Variants in GAN observed in about 807,000 individuals in gnomAD.
GAN encodes the protein gigaxonin.
In GAN, 48 loss-of-function variants were observed where a neutral mutation model predicts 71.3. The ratio of observed to expected loss-of-function variants is 0.67; its 90% CI spans 0.53 to 0.86. The LOEUF (loss-of-function observed/expected upper bound fraction) is 0.86, where lower values mean the gene tolerates loss of function less well. GAN is among the 40% of genes least tolerant of loss of function. The probability of loss-of-function intolerance (pLI) is 0.00; values close to 1 mark genes in which losing one functional copy is unlikely to be tolerated. For missense variants in GAN, 928 were observed against 770.1 expected (o/e 1.21, Z -2.43); for synonymous variants, 386 against 276.8 (o/e 1.39, Z -3.92).
At chr16:81,341,191 G>A (rs889106123) in intron 1 of GAN, among the ~76,000 whole-genome samples, 2 of 152,156 alleles carry the variant, frequency 1.3e-5, no homozygotes, top group African/African-American at 4.8e-5. Flanking sequence ...AAGTGATGGG[G>A]AGAATGGAAC....
intron 7 of GAN, 108 bp downstream of exon 7, chr16:81,364,051 A>G: frequency 1.1e-6 from 1 of 912,030 alleles, no homozygotes; most frequent in Non-Finnish European, 1.8e-6. Context: ...GTGTTAAAAG[A>G]ATTAACTTTA....
chr16:81,317,907 A>G (rs1031821731), intron 1 of GAN, among the ~76,000 whole-genome samples: 3 of 152,150 alleles, frequency 2.0e-5, no homozygotes, highest in Admixed American at 1.3e-4. Context: ...GAATCAGTCA[A>G]TATGTGTTTC....
rs1417637299 is a variant in GAN at position 81,332,695 on chromosome 16, C to T, written c.167+17415C>T. Among the ~76,000 whole-genome samples, 7 of 152,194 alleles carry T rather than the reference C, an allele frequency of 4.6e-5. No homozygotes were observed. The East Asian group carries it at 1.3e-3, about 29-fold the overall frequency. The stretch of plus-strand genomic sequence containing the variant: ...CCTTAGTCTCCAGTGTGTGGTGGTT[C>T]CTCAGTCTTTCCTTGTCTTTCATGA... On this transcript the variant is annotated intron_variant, in intron 1 of 10. Coordinates refer to ENST00000648994, the MANE Select transcript of GAN (RefSeq NM_022041.4).
At chr16:81,365,175 C>A in intron 8 of GAN, 65 bp downstream of exon 8, 1 of 1,583,360 alleles carries the variant, frequency 6.3e-7, no homozygotes. Context: ...AGCCCCTTAC[C>A]CTGCCTGGCT....
intron 1 of GAN, among the ~76,000 whole-genome samples, chr16:81,333,666 T>C (rs1035572): frequency 0.35 from 52,776 of 152,074 alleles, 10,382 homozygotes; most frequent in East Asian, 0.78. Flanking sequence ...AAGTAAAAGT[T>C]TGTCAGTTCC....
chr16:81,332,293 A>G (rs927533147), intron 1 of GAN, among the ~76,000 whole-genome samples: 2 of 152,234 alleles, frequency 1.3e-5, no homozygotes, highest in Admixed American at 1.3e-4. Flanking sequence ...CTACCAGGTC[A>G]GACTGGCTGT....
At chr16:81,376,177 C>T (rs971852190) in intron 9 of GAN, among the ~76,000 whole-genome samples, 3 of 151,544 alleles carry the variant, frequency 2.0e-5, no homozygotes, top group African/African-American at 7.3e-5. Flanking sequence ...CTTTGGAAAG[C>T]AGTGGGGCAC....
In GAN at chr16:81,315,292, G is replaced by A; in HGVS notation, c.167+12G>A. ...AGCCCGTACATCAGGTGGGGAGGGG[G>A]CTACGGCGGGCGGGCGCGGCGGTGC... On this transcript the variant is annotated intron_variant, in intron 1 of 10. Transcript: ENST00000648994. The A allele has an allele frequency of 3.3e-6, 5 of 1,520,154 alleles. No individual in the cohort carries two copies. Among genetic ancestry groups the A allele is most frequent in the Non-Finnish European group, 4.4e-6 (5 of 1,133,352 alleles). The allele number at this position is 1,520,154 out of a possible 1,614,324, so 94.2% of individuals were successfully genotyped here. A position where few individuals can be genotyped will look rare whatever the true frequency, so the allele number is the denominator to read the frequency against.
chr16:81,348,352 T>C (rs911646425), intron 1 of GAN, among the ~76,000 whole-genome samples: 10 of 152,244 alleles, frequency 6.6e-5, no homozygotes, highest in Non-Finnish European at 1.5e-4. Context: ...AATTTTTCTT[T>C]TTTCCTTGAA....
At chr16:81,317,804 G>A (rs1369521889) in intron 1 of GAN, among the ~76,000 whole-genome samples, 2 of 152,134 alleles carry the variant, frequency 1.3e-5, no homozygotes, top group Non-Finnish European at 2.9e-5. Context: ...TGTTTATCAA[G>A]CACTTTTACA....
intron 1 of GAN, among the ~76,000 whole-genome samples, chr16:81,344,494 C>G (rs1910051144): frequency 6.6e-6 from 1 of 152,056 alleles, no homozygotes; most frequent in African/African-American, 2.4e-5. Flanking sequence ...GTTTGACAAA[C>G]CTGACACAAG....
Position 81,377,327 on chromosome 16 carries a change from A to G in GAN, c.1611A>G (p.Thr537=). Residue 537 remains threonine (T), a splice_region_variant and synonymous_variant, in exon 10 of 11, where the codon ACA becomes ACG. Coordinates refer to ENST00000648994, the MANE Select transcript of GAN (RefSeq NM_022041.4). ...TTTATGTTATTGGAGATCTTGATACAGGTAAGAGTGTTACAGTGATTTTCT... is the reference window on the plus strand; with the variant it reads ...TTTATGTTATTGGAGATCTTGATACGGGTAAGAGTGTTACAGTGATTTTCT... ...ASIYVIGDLD[T]GTNYDYVREF... 6.3e-7 allele frequency: 1 copy of G among 1,583,744 alleles called. No homozygotes were observed. The highest frequency in any genetic ancestry group is 1.3e-5 in the African/African-American group (1 of 74,434).
At chr16:81,326,856 A>G (rs1339304162) in intron 1 of GAN, among the ~76,000 whole-genome samples, 1 of 152,252 alleles carries the variant, frequency 6.6e-6, no homozygotes, top group Admixed American at 6.5e-5. Context: ...CCACTGTTGT[A>G]TATACTGTCC....
chr16:81,318,885 C>T (rs1909132226), intron 1 of GAN, among the ~76,000 whole-genome samples: 1 of 152,180 alleles, frequency 6.6e-6, no homozygotes, highest in African/African-American at 2.4e-5. Flanking sequence ...AGGAAGGAGG[C>T]AGGACCTCCT....
chr16:81,315,130 C>A lies in GAN; in HGVS notation c.17C>A (p.Ala6Asp). 6.6e-7 allele frequency: 1 copy of A among 1,521,560 alleles called. No individual in the cohort carries two copies. The highest frequency in any genetic ancestry group is 2.1e-5 in the Admixed American group (1 of 48,746). The allele number at this position is 1,521,560 out of a possible 1,614,324, so 94.3% of individuals were successfully genotyped here. MAEGS[A>D]VSDPQHAARL... ...GGCGCCGCGATGGCTGAGGGCAGTG[C>A]CGTGTCTGACCCTCAGCACGCCGCG... Residue 6 changes from alanine (A) to aspartate (D), a missense_variant, in exon 1 of 11, where the codon GCC becomes GAC. By Grantham distance (126) the Ala-to-Asp change is moderately radical. Transcript: ENST00000648994.
chr16:81,320,951 T>C (rs564434726), intron 1 of GAN, among the ~76,000 whole-genome samples: 1 of 152,168 alleles, frequency 6.6e-6, no homozygotes, highest in Non-Finnish European at 1.5e-5. Flanking sequence ...CACAACCTTG[T>C]TTGATTAAAC....
intron 9 of GAN, among the ~76,000 whole-genome samples, chr16:81,373,563 G>A (rs143998785): frequency 6.3e-4 from 96 of 152,214 alleles, no homozygotes; most frequent in African/African-American, 2.1e-3. Context: ...TTACATGACC[G>A]TAGTACAAGC....
Position 81,382,079 on chromosome 16 carries a change from A to C in GAN, c.*4483A>C, listed in dbSNP as rs1400261900. ...TTGACTGCTTTTTATATGGGTGTCA[A>C]AATCTTTCCAGGACATACCCCTTTG... is the stretch of plus-strand genomic sequence containing the variant. On this transcript the variant is annotated 3_prime_UTR_variant, in exon 11 of 11. Transcript: ENST00000648994. 1 of 152,202 alleles carries C rather than the reference A, an allele frequency of 6.6e-6. No homozygotes were observed. Among genetic ancestry groups the C allele is most frequent in the Non-Finnish European group, 1.5e-5 (1 of 68,062 alleles). 9.4% of individuals were successfully genotyped at this position (152,202 alleles called of 1,614,324 possible).
At position 81,357,813 on chromosome 16, in the gene GAN, A is replaced by G; in HGVS notation, c.855A>G (p.Ser285=). 1 of 1,613,586 alleles carries G rather than the reference A, an allele frequency of 6.2e-7. No homozygotes were observed. Among genetic ancestry groups the G allele is most frequent in the Non-Finnish European group, 8.5e-7 (1 of 1,179,486 alleles). ...IVTVGGEERV[S]RKPTAAMRCM... Reference sequence around the variant, plus strand: ...GATCACTTATTTACTTCCTTAGTTCACGGAAACCCACAGCAGCGATGCGAT... The same window carrying G: ...GATCACTTATTTACTTCCTTAGTTCGCGGAAACCCACAGCAGCGATGCGAT... Residue 285 remains serine, a synonymous_variant, in exon 5 of 11, where the codon TCA becomes TCG. Transcript: ENST00000648994.
Sources: gnomAD v4.1 joint callset for allele counts (sites outside exome capture counted in the v4.1 genomes callset) on GRCh38, gnomAD v4.1.1 for gene constraint, MANE v1.5 for transcripts, NCBI Gene and HGNC (gene_info 2026-07-23, HGNC 2026-07-21) for gene names.